Variants in SLC13A4 observed in about 807,000 individuals in gnomAD.
SLC13A4 encodes the protein solute carrier family 13 member 4, also known as Na(+)/sulfate cotransporter SUT-1.
SLC13A4 carries 28 observed loss-of-function variants against 72.7 expected under a neutral mutation model. The ratio of observed to expected loss-of-function variants is 0.39; its 90% CI spans 0.29 to 0.53. SLC13A4 has a LOEUF of 0.53. Among genes scored for constraint, SLC13A4 ranks in the 20% least tolerant of loss-of-function variants. The pLI, the probability that SLC13A4 is intolerant of heterozygous loss-of-function variation, is 0.78. For synonymous variants in SLC13A4, 312 were observed against 325.5 expected, an observed-to-expected ratio of 0.96 and a Z score of 0.45; for missense variants, 653 against 788.0, an observed-to-expected ratio of 0.83 and a Z score of 2.05.
intron 5 of SLC13A4, 77 bp from the exon 6 acceptor site, chr7:135,702,961 G>A (rs567421486): frequency 1.5e-5 from 16 of 1,089,884 alleles, no homozygotes; most frequent in Admixed American, 3.4e-5. Flanking sequence ...TGCATCAGGC[G>A]TTTGGTGTAA....
chr7:135,693,792 G>A (rs1038953945), intron 10 of SLC13A4, among the ~76,000 whole-genome samples: 1 of 152,162 alleles, frequency 6.6e-6, no homozygotes, highest in African/African-American at 2.4e-5. Context: ...GTGGTGGCGC[G>A]TCTGAGCAAT....
At chr7:135,689,144 A>C (rs954957208) in intron 13 of SLC13A4, 1 of 152,140 alleles carries the variant, frequency 6.6e-6, no homozygotes, top group African/African-American at 2.4e-5. Context: ...TGGCCTCCCA[A>C]AGTGCTGGGA....
In SLC13A4 at chr7:135,721,285, G is replaced by A. The variant is rs1796541455; in HGVS notation, c.228+110C>T. Reference sequence around the variant, plus strand: ...GTGTTAAGGGGTCATTCCAGTGGGTGACAAGGCCCCCTCATCGTCAAGTGC... The same window carrying A: ...GTGTTAAGGGGTCATTCCAGTGGGTAACAAGGCCCCCTCATCGTCAAGTGC... On this transcript the variant is annotated intron_variant, in intron 2 of 15. Coordinates refer to ENST00000682651, the MANE Select transcript of SLC13A4 (RefSeq NM_001318192.2). 4 of 1,332,770 alleles carry A rather than the reference G, an allele frequency of 3.0e-6. No individual in the cohort carries two copies. The South Asian group carries it at 5.4e-5, about 18-fold the overall frequency. 82.6% of individuals were successfully genotyped at this position (1,332,770 alleles called of 1,614,324 possible).
chr7:135,725,833 T>C (rs1377221438), intron 1 of SLC13A4, among the ~76,000 whole-genome samples: 2 of 152,132 alleles, frequency 1.3e-5, no homozygotes, highest in Non-Finnish European at 2.9e-5. Context: ...CATGTGGTGG[T>C]ACTTGCTTGC....
At chr7:135,722,109 T>G (rs1796561537) in intron 1 of SLC13A4, among the ~76,000 whole-genome samples, 1 of 151,946 alleles carries the variant, frequency 6.6e-6, no homozygotes, top group Non-Finnish European at 1.5e-5. Flanking sequence ...CCAGGTGTGG[T>G]GGCACAGGCC....
intron 2 of SLC13A4, among the ~76,000 whole-genome samples, chr7:135,718,418 G>T (rs183373180): frequency 6.6e-5 from 10 of 152,020 alleles, no homozygotes; most frequent in Admixed American, 2.0e-4. Context: ...AAGAAACACT[G>T]CAATCAAGAG....
intron 6 of SLC13A4, 146 bp downstream of exon 6, chr7:135,702,699 A>G (rs1219843025): frequency 2.7e-6 from 2 of 744,064 alleles, no homozygotes; most frequent in East Asian, 2.5e-5. Context: ...TAATAATAAC[A>G]TTTTGTCAAT....
intron 8 of SLC13A4, among the ~76,000 whole-genome samples, chr7:135,697,071 G>T (rs559434870): frequency 6.6e-6 from 1 of 152,254 alleles, no homozygotes; most frequent in Admixed American, 6.5e-5. Flanking sequence ...TTACCAGGAG[G>T]CAAAATGAAT....
At chr7:135,712,082 C>G (rs977721623) in intron 2 of SLC13A4, among the ~76,000 whole-genome samples, 2 of 143,066 alleles carry the variant, frequency 1.4e-5, no homozygotes, top group Admixed American at 7.6e-5. Context: ...TCTCAGTCTC[C>G]CAAAGTGCTG....
intron 2 of SLC13A4, among the ~76,000 whole-genome samples, chr7:135,712,785 T>C (rs1409713213): frequency 6.6e-6 from 1 of 152,232 alleles, no homozygotes; most frequent in Non-Finnish European, 1.5e-5. Context: ...ACCTGGGTTA[T>C]TCAGAGCCTC....
intron 14 of SLC13A4, among the ~76,000 whole-genome samples, chr7:135,684,891 A>G (rs945527803): frequency 1.3e-5 from 2 of 152,150 alleles, no homozygotes; most frequent in African/African-American, 4.8e-5. Context: ...TCTGCCTCCC[A>G]GAATGGGACA....
chr7:135,684,170 G>C lies in SLC13A4; in HGVS notation c.1700C>G (p.Pro567Arg). The change falls in exon 15 of 16, where the codon CCT becomes CGT. Residue 567 changes from proline to arginine, a missense_variant. By Grantham distance (103) the Pro-to-Arg change is moderately radical. Coordinates refer to ENST00000682651, the MANE Select transcript of SLC13A4 (RefSeq NM_001318192.2). ...FAVMLPVGNP[P>R]NAIVFSYGHC... ...CCCATAGCTGAAGACGATGGCATTA[G>C]GGGGATTGCCCACAGGCAGCATCAC... 6.2e-7 allele frequency: 1 copy of C among 1,612,904 alleles called. No homozygotes were observed. Among genetic ancestry groups the C allele is most frequent in the South Asian group, 1.1e-5 (1 of 90,808 alleles).
At chr7:135,713,030 G>A (rs894034385) in intron 2 of SLC13A4, among the ~76,000 whole-genome samples, 4 of 152,148 alleles carry the variant, frequency 2.6e-5, no homozygotes, top group African/African-American at 9.7e-5. Context: ...GCATTTTGCT[G>A]GTTTCCCGTC....
At chr7:135,684,350 G>T in intron 14 of SLC13A4, 89 bp from the exon 15 acceptor site, 1 of 1,479,442 alleles carries the variant, frequency 6.8e-7, no homozygotes. Context: ...TGATGACTTG[G>T]TGCTGGCTAA....
intron 2 of SLC13A4, among the ~76,000 whole-genome samples, chr7:135,719,827 G>A (rs924811591): frequency 2.7e-5 from 4 of 149,016 alleles, no homozygotes. Context: ...GTGTGTGTGT[G>A]TATAGCCACA....
At chr7:135,684,963 G>A (rs550720857) in intron 14 of SLC13A4, among the ~76,000 whole-genome samples, 2 of 152,270 alleles carry the variant, frequency 1.3e-5, no homozygotes, top group South Asian at 2.1e-4. Context: ...AGATCTGGCC[G>A]TTGCTCCCCT....
At chr7:135,718,093 G>A (rs74483014) in intron 2 of SLC13A4, among the ~76,000 whole-genome samples, 83 of 144,732 alleles carry the variant, frequency 5.7e-4, no homozygotes, top group East Asian at 3.5e-3. Flanking sequence ...ACACACGCGC[G>A]CGCGCGCACG....
Position 135,681,562 on chromosome 7 carries a change from G to A in SLC13A4, c.*1C>T, listed in dbSNP as rs533763148. On this transcript the variant is annotated 3_prime_UTR_variant, in exon 16 of 16. Transcript: ENST00000682651. The stretch of plus-strand genomic sequence containing the variant: ...GGTTGGGCCAGTTTGTACACTTGGC[G>A]TTAGGCTTGATCAGTGATGTTGCTG... The A allele has an allele frequency of 2.7e-5, 44 of 1,613,050 alleles. No individual in the cohort carries two copies. The highest frequency in any genetic ancestry group is 1.7e-4 in the Middle Eastern group (1 of 6,038).
chr7:135,685,663 C>G lies in SLC13A4; in HGVS notation c.1467G>C (p.Trp489Cys). The G allele has an allele frequency of 1.2e-6, 2 of 1,614,136 alleles. No individual in the cohort carries two copies. Among genetic ancestry groups the G allele is most frequent in the Non-Finnish European group, 8.5e-7 (1 of 1,179,986 alleles). The change falls in exon 14 of 16, where the codon TGG becomes TGC. Residue 489 changes from tryptophan (W) to cysteine (C), a missense_variant. Transcript: ENST00000682651. ...TCAGGGACAACATCTGGTTCCCAAT[C>G]CATGTAGAGAGGCCAGAGCTCTGTA... ...SGSKSSGLSTWIGNQMLSLSS... is the reference protein window; with the variant it reads ...SGSKSSGLSTCIGNQMLSLSS...
Sources: allele counts gnomAD v4.1 joint callset (sites outside exome capture counted in the v4.1 genomes callset), GRCh38; gene constraint gnomAD v4.1.1; transcripts MANE v1.5; gene names NCBI Gene and HGNC (gene_info 2026-07-23, HGNC 2026-07-21).